Variants in LRRC69 observed in about 807,000 individuals in gnomAD.
LRRC69 encodes the protein leucine-rich repeat-containing protein 69.
A neutral mutation model predicts 37.8 loss-of-function variants in LRRC69; 42 were observed. The ratio of observed to expected loss-of-function variants is 1.11; its 90% CI spans 0.87 to 1.44. The LOEUF is 1.44. Ranked by LOEUF, LRRC69 falls within the 40% of genes most tolerant of loss-of-function variation. The pLI is 0.00. For synonymous variants in LRRC69, 141 were observed against 143.1 expected (o/e 0.99, Z 0.11); for missense variants, 357 against 401.9 (o/e 0.89, Z 0.96).
At chr8:91,204,191 C>G (rs1809760672) in intron 7 of LRRC69, among the ~76,000 whole-genome samples, 1 of 151,948 alleles carries the variant, frequency 6.6e-6, no homozygotes, top group Non-Finnish European at 1.5e-5. Flanking sequence ...TCTCTGCTCT[C>G]CCTGTTTAGG....
chr8:91,207,339 G>A (rs963849363), intron 7 of LRRC69, among the ~76,000 whole-genome samples: 2 of 152,172 alleles, frequency 1.3e-5, no homozygotes, highest in Middle Eastern at 3.2e-3. Context: ...AGTACAGTGG[G>A]TGTTCAACAA....
chr8:91,148,449 A>G (rs2130541014), intron 5 of LRRC69, among the ~76,000 whole-genome samples: 1 of 151,992 alleles, frequency 6.6e-6, no homozygotes, highest in African/African-American at 2.4e-5. Context: ...TCCATGGTGT[A>G]TATGTGCCAC....
At chr8:91,175,558 G>A (rs1281193719) in intron 5 of LRRC69, among the ~76,000 whole-genome samples, 1 of 152,054 alleles carries the variant, frequency 6.6e-6, no homozygotes, top group Non-Finnish European at 1.5e-5. Flanking sequence ...ATCAGAGTTT[G>A]TGGCCAGGCT....
intron 7 of LRRC69, among the ~76,000 whole-genome samples, chr8:91,215,874 A>G (rs1169875866): frequency 1.3e-5 from 2 of 152,284 alleles, no homozygotes; most frequent in East Asian, 1.9e-4. Context: ...TCAAATGGAC[A>G]TATGTCGTAC....
At chr8:91,169,286 A>G (rs907088317) in intron 5 of LRRC69, among the ~76,000 whole-genome samples, 2 of 151,888 alleles carry the variant, frequency 1.3e-5, no homozygotes, top group Non-Finnish European at 2.9e-5. Flanking sequence ...GAGGATTAAA[A>G]AACTCTCTAT....
rs1196893930 is a variant in LRRC69 at position 91,211,614 on chromosome 8, ATATTT to A, written c.934-7274_934-7270del. ...TATACAAATATATATATATATATAT[ATATTT>A]TTTTTTTATTTTTTTTGCTTGGAAG... is the stretch of plus-strand genomic sequence containing the variant. On this transcript the variant is annotated intron_variant, in intron 7 of 7. Coordinates refer to ENST00000448384, the Ensembl canonical transcript of LRRC69. Among the ~76,000 whole-genome samples the A allele has an allele frequency of 5.0e-5, 7 of 140,746 alleles. No individual in the cohort carries two copies. The East Asian group carries it at 1.4e-3, about 28-fold the overall frequency. The allele number at this position is 140,746 out of a possible 152,430, so 92.3% of individuals were successfully genotyped here.
intron 2 of LRRC69, among the ~76,000 whole-genome samples, chr8:91,126,218 G>T (rs1813710635): frequency 6.6e-6 from 1 of 152,034 alleles, no homozygotes. Flanking sequence ...CAGGGCTGGA[G>T]TTGGGTCCCA....
chr8:91,106,775 C>T (rs1321552853), intron 1 of LRRC69, among the ~76,000 whole-genome samples: 2 of 151,732 alleles, frequency 1.3e-5, no homozygotes, highest in Non-Finnish European at 2.9e-5. Flanking sequence ...GCATTGTCCT[C>T]TCCTCCCATT....
rs35797312 is a variant in LRRC69, at chr8:91,185,363, C to CTGTGTG, written c.652-4145_652-4140dup. On this transcript the variant is annotated intron_variant, in intron 5 of 7. Transcript: ENST00000448384. ...TCTGTCTGTCTCTCTCTCTCTCTAT[C>CTGTGTG]TGTGTGTGTGTGTGTGTGTTTATAG... 4.6e-4 allele frequency among the ~76,000 whole-genome samples: 69 copies of CTGTGTG among 150,440 alleles called. 1 individual carries two copies. The South Asian group carries it at 0.013, about 29-fold the overall frequency.
chr8:91,127,059 C>A, intron 2 of LRRC69, 29 bp from the exon 3 acceptor site: 1 of 1,495,644 alleles, frequency 6.7e-7, no homozygotes, highest in Non-Finnish European at 9.1e-7. Flanking sequence ...TAACAGATGG[C>A]TAAAGTGACT....
chr8:91,208,114 T>C (rs1809837897), intron 7 of LRRC69, among the ~76,000 whole-genome samples: 1 of 152,186 alleles, frequency 6.6e-6, no homozygotes, highest in South Asian at 2.1e-4. Flanking sequence ...CATTTTAACC[T>C]AAGTAACACT....
chr8:91,185,509 G>A (rs1809393809), intron 5 of LRRC69, among the ~76,000 whole-genome samples: 1 of 152,076 alleles, frequency 6.6e-6, no homozygotes, highest in South Asian at 2.1e-4. Context: ...TATGACTCTA[G>A]GTCACTTTCT....
exon 7 of LRRC69, chr8:91,200,757 T>C: frequency 6.5e-7 from 1 of 1,532,342 alleles, no homozygotes; most frequent in Non-Finnish European, 8.8e-7. Flanking sequence ...TATAACCGTA[T>C]GGCTGGAATG....
intron 5 of LRRC69, among the ~76,000 whole-genome samples, chr8:91,153,243 C>T (rs1586250356): frequency 6.6e-6 from 1 of 151,360 alleles, no homozygotes; most frequent in African/African-American, 2.4e-5. Flanking sequence ...TACAAGGAGA[C>T]TTAGACTCCC....
intron 7 of LRRC69, chr8:91,205,678 A>G (rs1481344884): frequency 6.6e-6 from 1 of 152,124 alleles, no homozygotes; most frequent in African/African-American, 2.4e-5. Context: ...TTGGGAGACT[A>G]AAAGGAAGGC....
At chr8:91,129,960 A>G (rs1307305159) in intron 3 of LRRC69, among the ~76,000 whole-genome samples, 1 of 152,022 alleles carries the variant, frequency 6.6e-6, no homozygotes, top group Non-Finnish European at 1.5e-5. Flanking sequence ...GCTGAATAAA[A>G]ATTACATAAA....
chr8:91,156,712 TG>T (rs1808841907), intron 5 of LRRC69, among the ~76,000 whole-genome samples: 1 of 151,112 alleles, frequency 6.6e-6, no homozygotes, highest in Non-Finnish European at 1.5e-5. Context: ...ATTCCTGAAG[TG>T]TTTCCCTTAT....
chr8:91,212,170 C>T (rs1438501042), intron 7 of LRRC69, among the ~76,000 whole-genome samples: 1 of 152,070 alleles, frequency 6.6e-6, no homozygotes, highest in Non-Finnish European at 1.5e-5. Flanking sequence ...TTTGAAACAG[C>T]AACACAAATT....
intron 7 of LRRC69, among the ~76,000 whole-genome samples, chr8:91,216,559 A>G (rs1255270500): frequency 1.3e-5 from 2 of 152,102 alleles, no homozygotes; most frequent in Admixed American, 6.6e-5. Context: ...TTTATTTTCA[A>G]TAGTTCTTTA....
Sources: allele counts gnomAD v4.1 joint callset (sites outside exome capture counted in the v4.1 genomes callset), GRCh38; gene constraint gnomAD v4.1.1; transcripts MANE v1.5; gene names NCBI Gene and HGNC (gene_info 2026-07-23, HGNC 2026-07-21).